Variants in ERICH1 observed in about 807,000 individuals in gnomAD.
The protein encoded by ERICH1 is glutamate rich 1.
A neutral mutation model predicts 39.6 loss-of-function variants in ERICH1; 56 were observed. The ratio of observed to expected loss-of-function variants is 1.41; its 90% CI spans 1.14 to 1.77. ERICH1 has a LOEUF of 1.77. ERICH1 is among the 40% of genes most tolerant of loss of function. ERICH1 has a pLI of 0.00. For missense variants in ERICH1, 826 were observed against 575.4 expected (o/e 1.44, Z -4.45); for synonymous variants, 313 against 223.6 (o/e 1.40, Z -3.57).
At chr8:685,878 C>T (rs1333251703) in intron 3 of ERICH1, among the ~76,000 whole-genome samples, 3 of 151,812 alleles carry the variant, frequency 2.0e-5, no homozygotes, top group African/African-American at 4.8e-5. Flanking sequence ...GGCACAGTGG[C>T]TCAGGCCTGT....
chr8:670,122 C>T (rs1802951341), intron 4 of ERICH1, among the ~76,000 whole-genome samples: 1 of 152,172 alleles, frequency 6.6e-6, no homozygotes. Context: ...TTCCTGGTCA[C>T]TAATTCTCTT....
intron 3 of ERICH1, among the ~76,000 whole-genome samples, chr8:680,572 C>A (rs1362989629): frequency 6.7e-6 from 1 of 149,370 alleles, no homozygotes; most frequent in Non-Finnish European, 1.5e-5. Context: ...CCACCCCTCC[C>A]CCGAAAACAC....
rs113423925 is a variant in ERICH1 at position 658,878 on chromosome 8, C to T, written c.976+9720G>A. ...TGGCTCCTCCCCAATTCCTCCCTGG[C>T]CGTCCTTCCTCTGCCTTTCCTTCAC... On this transcript the variant is annotated intron_variant, in intron 3 of 3. Transcript: ENST00000522706. Among the ~76,000 whole-genome samples, 1,076 of 152,348 alleles carry T rather than the reference C, an allele frequency of 7.1e-3. 12 individuals carry two copies. The highest frequency in any genetic ancestry group is 0.024 in the African/African-American group (1,008 of 41,576).
At position 658,174 on chromosome 8, in the gene ERICH1, G is replaced by A. The variant is rs142249825; in HGVS notation, c.976+10424C>T. 5.8e-4 allele frequency among the ~76,000 whole-genome samples: 89 copies of A among 152,340 alleles called. 1 individual carries two copies. In the East Asian group the frequency reaches 0.016, roughly 27 times the overall value. ...GGGCTTCGGCTGCAGCTGGACTGTG[G>A]TTCCTGGACTTCCTCACCCACCCTC... On this transcript the variant is annotated intron_variant, in intron 3 of 3. Coordinates refer to the ERICH1 transcript ENST00000522706.
chr8:698,665 G>C (rs1353454554), intron 2 of ERICH1, among the ~76,000 whole-genome samples: 1 of 152,110 alleles, frequency 6.6e-6, no homozygotes, highest in East Asian at 1.9e-4. Context: ...GCACAGGTTA[G>C]AATGCAATGA....
chr8:629,444 AG>A (rs1797805243), intron 3 of ERICH1, among the ~76,000 whole-genome samples: 10 of 150,488 alleles, frequency 6.6e-5, no homozygotes, highest in African/African-American at 2.4e-4. Context: ...ACACAGACAG[AG>A]CTGACTCACA....
chr8:709,135 C>A (rs956085761), intron 2 of ERICH1, among the ~76,000 whole-genome samples: 3 of 152,156 alleles, frequency 2.0e-5, no homozygotes, highest in Non-Finnish European at 4.4e-5. Context: ...TTTGAGGTTA[C>A]CTTTCTGGGG....
intron 2 of ERICH1, among the ~76,000 whole-genome samples, chr8:703,011 C>G (rs1812497034): frequency 6.6e-6 from 1 of 152,202 alleles, no homozygotes; most frequent in African/African-American, 2.4e-5. Flanking sequence ...AGGCAGGCAG[C>G]AAGTCTGCAA....
At chr8:726,120 C>T (rs1818573956) in intron 1 of ERICH1, among the ~76,000 whole-genome samples, 1 of 152,182 alleles carries the variant, frequency 6.6e-6, no homozygotes, top group South Asian at 2.1e-4. Context: ...AGTCACCAGG[C>T]ACCCAACCAG....
At chr8:693,209 C>T (rs1216294336) in intron 2 of ERICH1, among the ~76,000 whole-genome samples, 1 of 151,978 alleles carries the variant, frequency 6.6e-6, no homozygotes, top group Non-Finnish European at 1.5e-5. Flanking sequence ...CACACAGACA[C>T]AGACATGTAC....
chr8:716,893 T>G (rs980673270), intron 1 of ERICH1, among the ~76,000 whole-genome samples: 2 of 152,142 alleles, frequency 1.3e-5, no homozygotes, highest in Non-Finnish European at 2.9e-5. Flanking sequence ...GGGAACACTG[T>G]AGCTGAAGGC....
intron 5 of ERICH1, among the ~76,000 whole-genome samples, chr8:665,081 A>G (rs778086513): frequency 9.2e-5 from 14 of 152,254 alleles, no homozygotes; most frequent in Non-Finnish European, 1.8e-4. Context: ...CCAGAAGTGG[A>G]GCCGTAAGTG....
chr8:618,294 A>T (rs1797058014), intron 3 of ERICH1, among the ~76,000 whole-genome samples: 1 of 149,300 alleles, frequency 6.7e-6, no homozygotes, highest in African/African-American at 2.5e-5. Context: ...GTCCATCCTC[A>T]CCACCCTCTG....
intron 3 of ERICH1, among the ~76,000 whole-genome samples, chr8:620,816 C>A (rs1797235717): frequency 6.6e-6 from 1 of 152,116 alleles, no homozygotes; most frequent in African/African-American, 2.4e-5. Context: ...GAGAAGTAGA[C>A]AATTTAACAA....
rs1202663410 is a variant in ERICH1, at chr8:664,628, A to G, written c.1307T>C (p.Ile436Thr). ...SAFFSYWITH[I>T]LPEKSSD ...TTAGTCACTGCTCTTCTCAGGAAGGATATGTGTGATCCAGTAACTAAAGAA... is the reference window on the plus strand; with the variant it reads ...TTAGTCACTGCTCTTCTCAGGAAGGGTATGTGTGATCCAGTAACTAAAGAA... Residue 436 changes from isoleucine (I) to threonine (T), a missense_variant, in exon 6 of 6, where the codon ATC (isoleucine) becomes ACC (threonine). Ile to Thr is a moderately conservative substitution (Grantham distance 89, BLOSUM62 -1). Coordinates refer to ENST00000262109, the MANE Select transcript of ERICH1 (RefSeq NM_207332.3). 9.3e-6 allele frequency: 15 copies of G among 1,612,980 alleles called. No individual in the cohort carries two copies. Among genetic ancestry groups the G allele is most frequent in the African/African-American group, 5.3e-5 (4 of 74,928 alleles).
rs1819280110 is a variant in ERICH1 at position 728,372 on chromosome 8, C to CT, written c.22+2767dup. Among the ~76,000 whole-genome samples, 3 of 152,300 alleles carry CT rather than the reference C, an allele frequency of 2.0e-5. No homozygotes were observed. The South Asian group carries it at 6.2e-4, about 32-fold the overall frequency. ...GGAGGAGGAGGCAGCAAGGCTCAAC[C>CT]TGGTCAACGCCAGATGCAGTCACTC... On this transcript the variant is annotated intron_variant, in intron 1 of 5. Transcript: ENST00000262109.
intron 1 of ERICH1, among the ~76,000 whole-genome samples, chr8:720,211 T>C (rs1454695749): frequency 6.6e-6 from 1 of 152,090 alleles, no homozygotes; most frequent in African/African-American, 2.4e-5. Flanking sequence ...GAGAGGCAAA[T>C]GCAGGCCGCG....
At chr8:728,836 T>C (rs984907923) in intron 1 of ERICH1, among the ~76,000 whole-genome samples, 1 of 152,180 alleles carries the variant, frequency 6.6e-6, no homozygotes, top group Non-Finnish European at 1.5e-5. Flanking sequence ...TTCTTCTCAT[T>C]AATCCTGCAG....
intron 3 of ERICH1, among the ~76,000 whole-genome samples, chr8:632,547 A>C (rs1460787695): frequency 6.6e-6 from 1 of 152,204 alleles, no homozygotes; most frequent in Non-Finnish European, 1.5e-5. Flanking sequence ...CTACTAGAAT[A>C]GAATAACAAA....
Sources: gnomAD v4.1 joint callset for allele counts (sites outside exome capture counted in the v4.1 genomes callset) on GRCh38, gnomAD v4.1.1 for gene constraint, MANE v1.5 for transcripts, NCBI Gene and HGNC (gene_info 2026-07-23, HGNC 2026-07-21) for gene names.